NAALADL2: variants seen among roughly 807,000 people sequenced by gnomAD.
NAALADL2 encodes N-acetylated alpha-linked acidic dipeptidase like 2.
In NAALADL2, 76 loss-of-function variants were observed where a neutral mutation model predicts 87.2. The observed-to-expected ratio is 0.87, with a 90% CI of 0.72 to 1.05. NAALADL2 has a LOEUF of 1.05. NAALADL2 is among the 50% of genes least tolerant of loss of function. The pLI is 0.00. For missense variants in NAALADL2, 1,089 were observed against 945.8 expected (o/e 1.15, Z -1.99); for synonymous variants, 354 against 331.0 (o/e 1.07, Z -0.75).
intron 2 of NAALADL2, among the ~76,000 whole-genome samples, chr3:175,098,524 C>T (rs1560024252): frequency 6.6e-6 from 1 of 152,102 alleles, no homozygotes; most frequent in Non-Finnish European, 1.5e-5. Context: ...ATAACCTCAG[C>T]TGGAGACACC....
At chr3:174,788,689 A>C (rs1344554946) in intron 3 of NAALADL2, among the ~76,000 whole-genome samples, 1 of 152,152 alleles carries the variant, frequency 6.6e-6, no homozygotes, top group Non-Finnish European at 1.5e-5. Context: ...ACAAATTTTG[A>C]GGTAATACAA....
intron 1 of NAALADL2, among the ~76,000 whole-genome samples, chr3:174,451,422 A>T (rs1199430388): frequency 6.6e-6 from 1 of 152,224 alleles, no homozygotes; most frequent in Non-Finnish European, 1.5e-5. Flanking sequence ...ATTGTTATCA[A>T]GAATTCAATT....
At chr3:175,769,246 C>CA (rs1302605610) in intron 13 of NAALADL2, among the ~76,000 whole-genome samples, 9 of 152,126 alleles carry the variant, frequency 5.9e-5, no homozygotes, top group African/African-American at 1.9e-4. Context: ...ATACAATGCT[C>CA]AAAAATATAA....
intron 2 of NAALADL2, among the ~76,000 whole-genome samples, chr3:174,648,990 T>C (rs1334188443): frequency 1.3e-5 from 2 of 152,084 alleles, no homozygotes; most frequent in East Asian, 3.9e-4. Flanking sequence ...GAGATGGAGT[T>C]GGAATTTCAC....
intron 10 of NAALADL2, among the ~76,000 whole-genome samples, chr3:175,592,310 T>C (rs1272794750): frequency 1.1e-4 from 2 of 17,672 alleles, no homozygotes; most frequent in Non-Finnish European, 5.1e-4. Context: ...TTCTTTTCTT[T>C]TTTTTTTTTT....
rs370556546 is a variant in NAALADL2, at chr3:175,576,010, A to G, written c.1654-31A>G. 4 of 1,581,878 alleles carry G rather than the reference A, an allele frequency of 2.5e-6. No homozygotes were observed. The African/African-American group carries it at 4.0e-5, about 16-fold the overall frequency. On this transcript the variant is annotated intron_variant, in intron 9 of 13. Transcript: ENST00000454872. Reference sequence around the variant, plus strand: ...CTAGGGATGACCTGGGAAGCATAGTATGTGTTAACAATTTAAATTATGTTT... The same window carrying G: ...CTAGGGATGACCTGGGAAGCATAGTGTGTGTTAACAATTTAAATTATGTTT...
chr3:174,882,784 T>TATATACACAC (rs1560319552), intron 1 of NAALADL2, among the ~76,000 whole-genome samples: 50 of 107,408 alleles, frequency 4.7e-4, no homozygotes, highest in African/African-American at 1.9e-3. Context: ...TATATACATA[T>TATATACACAC]GTGTATATAT....
intron 3 of NAALADL2, among the ~76,000 whole-genome samples, chr3:175,239,469 G>A (rs1746462536): frequency 6.6e-6 from 1 of 152,152 alleles, no homozygotes; most frequent in African/African-American, 2.4e-5. Flanking sequence ...AGCAGATGTA[G>A]AAAAGCAAAT....
intron 1 of NAALADL2, among the ~76,000 whole-genome samples, chr3:174,997,336 ATT>A (rs1163386784): frequency 1.3e-5 from 2 of 151,920 alleles, no homozygotes; most frequent in African/African-American, 4.8e-5. Context: ...ACCAACATCT[ATT>A]GTTTTTTGAC....
At chr3:175,454,452 G>C (rs1373871430) in intron 6 of NAALADL2, among the ~76,000 whole-genome samples, 2 of 151,856 alleles carry the variant, frequency 1.3e-5, no homozygotes, top group African/African-American at 4.8e-5. Flanking sequence ...AGAACTTTAG[G>C]GTTCCTACTT....
At chr3:175,628,973 A>G (rs1727382489) in intron 11 of NAALADL2, among the ~76,000 whole-genome samples, 1 of 150,790 alleles carries the variant, frequency 6.6e-6, no homozygotes, top group African/African-American at 2.4e-5. Flanking sequence ...TGGCAAAATC[A>G]CCTAACAGGA....
chr3:174,772,416 G>A (rs1714680677), intron 3 of NAALADL2, among the ~76,000 whole-genome samples: 1 of 152,004 alleles, frequency 6.6e-6, no homozygotes, highest in Non-Finnish European at 1.5e-5. Context: ...TCAAAAAATT[G>A]TCTATAATAG....
At chr3:175,079,983 T>TTTTTTTTA (rs1717428758) in intron 1 of NAALADL2, among the ~76,000 whole-genome samples, 1 of 151,966 alleles carries the variant, frequency 6.6e-6, no homozygotes, top group African/African-American at 2.4e-5. Context: ...TTTTTTTTTT[T>TTTTTTTTA]GAGATGGAGT....
chr3:175,095,945 C>G (rs1036090114), intron 1 of NAALADL2, among the ~76,000 whole-genome samples: 2 of 152,112 alleles, frequency 1.3e-5, no homozygotes, highest in Non-Finnish European at 2.9e-5. Context: ...CCTAATACCA[C>G]TTGGCAGGAT....
chr3:175,076,446 A>G (rs1185126460), intron 1 of NAALADL2, among the ~76,000 whole-genome samples: 4 of 151,996 alleles, frequency 2.6e-5, no homozygotes, highest in South Asian at 4.2e-4. Flanking sequence ...GCAGTGTGTA[A>G]TATAGACTAT....
chr3:175,588,157 T>C (rs776366284), intron 10 of NAALADL2, among the ~76,000 whole-genome samples: 2 of 151,770 alleles, frequency 1.3e-5, no homozygotes, highest in Non-Finnish European at 2.9e-5. Flanking sequence ...TAACGCCTGG[T>C]AGGAAAAGTA....
At chr3:175,384,361 G>T (rs1768118655) in intron 5 of NAALADL2, among the ~76,000 whole-genome samples, 1 of 151,946 alleles carries the variant, frequency 6.6e-6, no homozygotes, top group African/African-American at 2.4e-5. Context: ...TTCATTTGAG[G>T]ACTTTTCTTG....
chr3:175,060,976 G>T (rs1305882865), intron 1 of NAALADL2, among the ~76,000 whole-genome samples: 1 of 152,154 alleles, frequency 6.6e-6, no homozygotes, highest in African/African-American at 2.4e-5. Flanking sequence ...AACCCGGGAG[G>T]TGGAGGTTGC....
chr3:174,452,820 A>G (rs1048013403), intron 1 of NAALADL2, among the ~76,000 whole-genome samples: 1 of 152,170 alleles, frequency 6.6e-6, no homozygotes, highest in Non-Finnish European at 1.5e-5. Flanking sequence ...ACATCAGCCC[A>G]CAAGGATGAG....
Sources: gnomAD v4.1 joint callset for allele counts (sites outside exome capture counted in the v4.1 genomes callset) on GRCh38, gnomAD v4.1.1 for gene constraint, MANE v1.5 for transcripts, NCBI Gene and HGNC (gene_info 2026-07-23, HGNC 2026-07-21) for gene names.